The following TMEM65 variants were observed in gnomAD, a reference collection of about 807,000 sequenced individuals.
TMEM65 encodes transmembrane protein 65.
Under a neutral mutation model 25.4 loss-of-function variants are expected in TMEM65, and 22 were observed. That is an observed-to-expected ratio of 0.86 (90% CI 0.62 to 1.23). The LOEUF (loss-of-function observed/expected upper bound fraction) is 1.23, where lower values mean the gene tolerates loss of function less well. Ranked by LOEUF, TMEM65 falls within the 50% of genes most tolerant of loss-of-function variation. The pLI is 0.00. For missense variants in TMEM65, 262 were observed against 308.2 expected (o/e 0.85, Z 1.12); for synonymous variants, 132 against 126.2 (o/e 1.05, Z -0.31).
intron 1 of TMEM65, among the ~76,000 whole-genome samples, chr8:124,359,402 G>A (rs1437777896): frequency 6.6e-6 from 1 of 152,162 alleles, no homozygotes; most frequent in African/African-American, 2.4e-5. Context: ...CTCATCCAAC[G>A]ATGTCTATTG....
chr8:124,315,672 C>T (rs1814227235), intron 6 of TMEM65, among the ~76,000 whole-genome samples: 1 of 125,978 alleles, frequency 7.9e-6, no homozygotes, highest in Non-Finnish European at 1.6e-5. Context: ...AATATTTTGA[C>T]AATAGCTTGC....
At chr8:124,339,140 C>CG (rs1814549323) in intron 1 of TMEM65, among the ~76,000 whole-genome samples, 1 of 135,584 alleles carries the variant, frequency 7.4e-6, no homozygotes, top group African/African-American at 2.8e-5. Flanking sequence ...GGCAGTGAGC[C>CG]CAGATCGCAC....
chr8:124,331,027 C>G (rs540352759), intron 1 of TMEM65, among the ~76,000 whole-genome samples: 15 of 151,964 alleles, frequency 9.9e-5, no homozygotes, highest in Admixed American at 3.3e-4. Context: ...AACATGGACT[C>G]TAGCCCTGGG....
intron 1 of TMEM65, among the ~76,000 whole-genome samples, chr8:124,368,063 G>C (rs903927383): frequency 6.6e-6 from 1 of 151,496 alleles, no homozygotes; most frequent in Non-Finnish European, 1.5e-5. Flanking sequence ...TTGTCTCTCT[G>C]TGTAAACTCT....
At chr8:124,370,084 T>A (rs901908462) in intron 1 of TMEM65, among the ~76,000 whole-genome samples, 35 of 152,290 alleles carry the variant, frequency 2.3e-4, no homozygotes, top group African/African-American at 8.2e-4. Context: ...TTGACTAAAG[T>A]GCTTAGGTCC....
chr8:124,330,565 T>C (rs1477398875), intron 2 of TMEM65, among the ~76,000 whole-genome samples, 183 bp downstream of exon 2: 3 of 152,034 alleles, frequency 2.0e-5, no homozygotes, highest in East Asian at 1.9e-4. Context: ...TTAGATATTT[T>C]ACAATATTGT....
At chr8:124,330,307 C>T (rs903933600) in intron 2 of TMEM65, among the ~76,000 whole-genome samples, 8 of 151,844 alleles carry the variant, frequency 5.3e-5, no homozygotes, top group Non-Finnish European at 8.8e-5. Context: ...GGTCCTTCTT[C>T]ACGTAGTTTT....
At chr8:124,314,101 C>T in intron 6 of TMEM65, 40 bp from the exon 7 acceptor site, 1 of 1,532,438 alleles carries the variant, frequency 6.5e-7, no homozygotes, top group Non-Finnish European at 9.0e-7. Context: ...GTTACTTTAT[C>T]TCTGATAACA....
chr8:124,317,624 G>A (rs748871553), intron 6 of TMEM65, among the ~76,000 whole-genome samples: 5 of 152,124 alleles, frequency 3.3e-5, no homozygotes, highest in Non-Finnish European at 7.4e-5. Flanking sequence ...ATTTTAAGGC[G>A]GCCTCCATGA....
chr8:124,314,105 G>A (rs1441911340), intron 6 of TMEM65, 44 bp from the exon 7 acceptor site: 1 of 1,514,660 alleles, frequency 6.6e-7, no homozygotes, highest in Non-Finnish European at 9.1e-7. Flanking sequence ...CTTTATCTCT[G>A]ATAACAAGAA....
chr8:124,337,867 T>A (rs56225520), intron 1 of TMEM65, among the ~76,000 whole-genome samples: 13,708 of 152,094 alleles, frequency 0.09, 682 homozygotes, highest in African/African-American at 0.13. Flanking sequence ...AGTATTACAT[T>A]CTTATACTCA....
At chr8:124,350,936 C>G in intron 1 of TMEM65, 2 of 970,386 alleles carry the variant, frequency 2.1e-6, no homozygotes, top group Non-Finnish European at 2.4e-6. Context: ...AAAACACTAA[C>G]GCAAAAACAG....
chr8:124,314,977 T>A (rs1183492271), intron 6 of TMEM65, among the ~76,000 whole-genome samples: 4 of 152,138 alleles, frequency 2.6e-5, no homozygotes, highest in Non-Finnish European at 5.9e-5. Context: ...CCCAGATCAT[T>A]ATAAAAATTT....
intron 1 of TMEM65, among the ~76,000 whole-genome samples, chr8:124,339,211 AAAAAAAAAAAAATATATATATATATATAT>A (rs1814552826): frequency 1.8e-5 from 1 of 54,416 alleles, no homozygotes; most frequent in African/African-American, 6.0e-5. Context: ...AAAAAAAAAA[AAAAAAAAAAAAATATATATATATATATAT>A]ATATATATAA....
At chr8:124,371,469 T>C (rs945407897) in intron 1 of TMEM65, among the ~76,000 whole-genome samples, 1 of 152,172 alleles carries the variant, frequency 6.6e-6, no homozygotes, top group Non-Finnish European at 1.5e-5. Context: ...CCTGCACGGG[T>C]GCACGCTCGC....
In TMEM65 at chr8:124,339,191, C is replaced by CAA. The variant is rs1168433838; in HGVS notation, c.305-8401_305-8400dup. 8.5e-4 allele frequency among the ~76,000 whole-genome samples: 37 copies of CAA among 43,560 alleles called. 2 individuals are homozygous for CAA. The highest frequency in any genetic ancestry group is 1.1e-3 in the African/African-American group (7 of 6,612). The allele number at this position is 43,560 out of a possible 152,430, so 28.6% of individuals were successfully genotyped here. ...TGGGCAACAGAGCAAGACTCTGTCT[C>CAA]AAAAAAAAAAAAAAAAAAAAAAAAA... On this transcript the variant is annotated intron_variant, in intron 1 of 6. Transcript: ENST00000297632.
intron 1 of TMEM65, among the ~76,000 whole-genome samples, chr8:124,339,220 A>AAAAAAAAT (rs1814554688): frequency 6.5e-5 from 1 of 15,306 alleles, no homozygotes; most frequent in African/African-American, 1.6e-4. Flanking sequence ...AAAAAAAAAA[A>AAAAAAAAT]AAATATATAT....
chr8:124,307,997 A>C lies in TMEM65; in HGVS notation c.*5963T>G, dbSNP rs1814114120. 6.6e-6 allele frequency: 1 copy of C among 152,224 alleles called. No individual in the cohort carries two copies. Among genetic ancestry groups the C allele is most frequent in the South Asian group, 2.1e-4 (1 of 4,826 alleles). The allele number at this position is 152,224 out of a possible 1,614,324, so 9.4% of individuals were successfully genotyped here. ...GCAAATGCTGTTGGGTTTATGATCA[A>C]GACTGCACTTATCTATAAAGCTGTT... On this transcript the variant is annotated 3_prime_UTR_variant, in exon 7 of 7. Coordinates refer to ENST00000297632, the MANE Select transcript of TMEM65 (RefSeq NM_194291.3).
At chr8:124,355,355 T>C (rs1393476932) in intron 1 of TMEM65, among the ~76,000 whole-genome samples, 1 of 152,202 alleles carries the variant, frequency 6.6e-6, no homozygotes, top group African/African-American at 2.4e-5. Flanking sequence ...ATTATCACAT[T>C]TGCCTATTTT....
Sources: allele counts gnomAD v4.1 joint callset (sites outside exome capture counted in the v4.1 genomes callset), GRCh38; gene constraint gnomAD v4.1.1; transcripts MANE v1.5; gene names NCBI Gene and HGNC (gene_info 2026-07-23, HGNC 2026-07-21).